Variants in BRD2 observed in about 807,000 individuals in gnomAD.
The protein encoded by BRD2 is bromodomain containing 2.
A neutral mutation model predicts 79.1 loss-of-function variants in BRD2; 15 were observed. The ratio of observed to expected loss-of-function variants is 0.19; its 90% CI spans 0.13 to 0.29. The LOEUF is 0.29. Among genes scored for constraint, BRD2 ranks in the 10% least tolerant of loss-of-function variants. The pLI is 1.00. For synonymous variants in BRD2, 488 were observed against 358.6 expected, an observed-to-expected ratio of 1.36 and a Z score of -4.08; for missense variants, 1,053 against 991.3, an observed-to-expected ratio of 1.06 and a Z score of -0.84.
chr6:32,971,473 C>T (rs1777965369), intron 1 of BRD2, 122 bp from the exon 2 acceptor site: 1 of 404,230 alleles, frequency 2.5e-6, no homozygotes, highest in Non-Finnish European at 4.4e-6. Flanking sequence ...TCTGGCAACA[C>T]TGTTTTAGAC....
intron 2 of BRD2, among the ~76,000 whole-genome samples, chr6:32,974,144 A>G (rs114830895): frequency 0.042 from 6,412 of 152,230 alleles, 244 homozygotes; most frequent in African/African-American, 0.094. Flanking sequence ...CCCCATCCCC[A>G]TAGGGCTGTA....
intron 11 of BRD2, 22 bp from the exon 12 acceptor site, chr6:32,980,320 C>G: frequency 6.2e-7 from 1 of 1,612,020 alleles, no homozygotes. Flanking sequence ...CTTAATGTAT[C>G]CTGATAAATT....
At position 32,978,280 on chromosome 6, in the gene BRD2, C is replaced by A. The variant is rs2127522151; in HGVS notation, c.1733C>A (p.Ala578Glu). The change falls in exon 10 of 13, where the codon GCA becomes GAA. Residue 578 changes from alanine to glutamate, a missense_variant. By Grantham distance (107) the Ala-to-Glu change is moderately radical. This residue lies in a region of BRD2 where 454 missense variants were observed against 430.5 expected (regional missense o/e 1.05). Coordinates refer to ENST00000374825, the MANE Select transcript of BRD2 (RefSeq NM_005104.4). ...GATGAAGATGACAAGGGGCCTAGGG[C>A]ACCCCGCCCACCTCAACCTAAGAAG... ...GADEDDKGPR[A>E]PRPPQPKKSK... is the part of the protein sequence containing the mutation. 1 of 1,613,022 alleles carries A rather than the reference C, an allele frequency of 6.2e-7. No individual in the cohort carries two copies. The highest frequency in any genetic ancestry group is 8.5e-7 in the Non-Finnish European group (1 of 1,180,008).
intron 2 of BRD2, among the ~76,000 whole-genome samples, chr6:32,973,592 A>T (rs1284127425): frequency 6.6e-6 from 1 of 152,122 alleles, no homozygotes; most frequent in Non-Finnish European, 1.5e-5. Flanking sequence ...TTTAATTCTT[A>T]GGTGGTAGGA....
At chr6:32,971,217 A>C in intron 1 of BRD2, 1 of 177,366 alleles carries the variant, frequency 5.6e-6, no homozygotes, top group Non-Finnish European at 1.2e-5. Flanking sequence ...GTTGCATTGT[A>C]TAGGGTAGAT....
chr6:32,976,545 CTTGT>C lies in BRD2; in HGVS notation c.826-14_826-11del. 6.3e-7 allele frequency: 1 copy of C among 1,591,278 alleles called. No homozygotes were observed. ...GGGCTTGGAGTGACAGGTTCCCTAT[CTTGT>C]TTCTTTCTGCAGAAAAAAGGCGTAA... On this transcript the variant is annotated splice_polypyrimidine_tract_variant and intron_variant, in intron 6 of 12. Coordinates refer to ENST00000374825, the MANE Select transcript of BRD2 (RefSeq NM_005104.4).
At position 32,978,280 on chromosome 6, in the gene BRD2, C is replaced by T. The variant is rs2127522151; in HGVS notation, c.1733C>T (p.Ala578Val). 6.2e-7 allele frequency: 1 copy of T among 1,613,022 alleles called. No homozygotes were observed. The highest frequency in any genetic ancestry group is 8.5e-7 in the Non-Finnish European group (1 of 1,180,008). ...GADEDDKGPR[A>V]PRPPQPKKSK... The stretch of plus-strand genomic sequence containing the variant: ...GATGAAGATGACAAGGGGCCTAGGG[C>T]ACCCCGCCCACCTCAACCTAAGAAG... Residue 578 changes from alanine to valine, a missense_variant, in exon 10 of 13, where the codon GCA becomes GTA. Coordinates refer to ENST00000374825, the MANE Select transcript of BRD2 (RefSeq NM_005104.4).
rs553913696 is a variant in BRD2 at position 32,972,438 on chromosome 6, C to T, written c.-461C>T. On this transcript the variant is annotated 5_prime_UTR_variant, in exon 2 of 13. Coordinates refer to ENST00000374825, the MANE Select transcript of BRD2 (RefSeq NM_005104.4). Reference sequence around the variant, plus strand: ...AGTCTGTCCACCCCCTCTACTCCGCCCTCAAGAGGATTTCAAAGATGGAGG... The same window carrying T: ...AGTCTGTCCACCCCCTCTACTCCGCTCTCAAGAGGATTTCAAAGATGGAGG... 4.1e-4 allele frequency: 122 copies of T among 295,570 alleles called. No individual in the cohort carries two copies. The highest frequency in any genetic ancestry group is 6.8e-4 in the Non-Finnish European group (104 of 153,662). 18.3% of individuals were successfully genotyped at this position (295,570 alleles called of 1,614,324 possible).
In BRD2 at chr6:32,981,007, T is replaced by C. The variant is rs530944039; in HGVS notation, c.*289T>C. The C allele has an allele frequency of 4.6e-6, 2 of 435,230 alleles. No individual in the cohort carries two copies. The highest frequency in any genetic ancestry group is 4.2e-5 in the East Asian group (1 of 23,540). The allele number at this position is 435,230 out of a possible 1,614,324, so 27.0% of individuals were successfully genotyped here. On this transcript the variant is annotated 3_prime_UTR_variant, in exon 13 of 13. Coordinates refer to ENST00000374825, the MANE Select transcript of BRD2 (RefSeq NM_005104.4). The stretch of plus-strand genomic sequence containing the variant: ...AGGGTGGGAGTGTGCAAAGCCCTGA[T>C]CTGGAGTTACCTGAGGCCACAGCTG...
chr6:32,975,047 C>T (rs986582168), intron 3 of BRD2: 8 of 1,522,738 alleles, frequency 5.3e-6, no homozygotes, highest in Non-Finnish European at 7.0e-6. Flanking sequence ...GGGAGAGGAC[C>T]ACGGTGGCCA....
intron 1 of BRD2, 43 bp from the exon 2 acceptor site, chr6:32,971,552 G>A (rs1346126965): frequency 8.8e-6 from 4 of 457,090 alleles, no homozygotes; most frequent in Admixed American, 4.2e-5. Flanking sequence ...CCATAGAGGA[G>A]CAGGCCGCGG....
At position 32,979,859 on chromosome 6, in the gene BRD2, C is replaced by A; in HGVS notation, c.1873C>A (p.Pro625Thr). Residue 625 changes from proline (P) to threonine (T), a missense_variant, in exon 11 of 13, where the codon CCT (proline) becomes ACT (threonine). Pro to Thr is a conservative substitution (Grantham distance 38). Transcript: ENST00000374825. Reference protein sequence around the residue: ...LPKKATKTAPPALPTGYDSEE... With the variant: ...LPKKATKTAPTALPTGYDSEE... ...CAAAAAGGCCACAAAGACAGCCCCA[C>A]CTGCCCTGCCTACAGGTTATGATTC... 1 of 1,612,880 alleles carries A rather than the reference C, an allele frequency of 6.2e-7. No individual in the cohort carries two copies. The highest frequency in any genetic ancestry group is 8.5e-7 in the Non-Finnish European group (1 of 1,179,870).
chr6:32,968,987 C>T lies in BRD2; in HGVS notation c.-1374C>T. On this transcript the variant is annotated 5_prime_UTR_variant, in exon 1 of 13. Transcript: ENST00000374825. ...TTCGTTTTCTGGGGGGGGGTTGACA[C>T]CCCGGATTACATACCCCGTACCAAG... 4.2e-6 allele frequency: 1 copy of T among 239,908 alleles called. No individual in the cohort carries two copies. Among genetic ancestry groups the T allele is most frequent in the Admixed American group, 5.5e-5 (1 of 18,314 alleles). The allele number at this position is 239,908 out of a possible 1,614,324, so 14.9% of individuals were successfully genotyped here. A position where few individuals can be genotyped will look rare whatever the true frequency, so the allele number is the denominator to read the frequency against.
rs1582879919 is a variant in BRD2, at chr6:32,971,678, C to G, written c.-1221C>G. ...CACACCCCTGGCGGGTTCAGGCAGG[C>G]TACGCCCACGCGACCCCTCCCGTTT... On this transcript the variant is annotated 5_prime_UTR_variant, in exon 2 of 13. Transcript: ENST00000374825. The G allele has an allele frequency of 1.9e-6, 1 of 518,472 alleles. No individual in the cohort carries two copies. The highest frequency in any genetic ancestry group is 3.4e-6 in the Non-Finnish European group (1 of 294,696). The allele number at this position is 518,472 out of a possible 1,614,324, so 32.1% of individuals were successfully genotyped here.
intron 1 of BRD2, chr6:32,969,307 C>T (rs945327205): frequency 2.8e-6 from 2 of 715,766 alleles, no homozygotes; most frequent in East Asian, 5.4e-5. Context: ...CGGTGTGGCC[C>T]CCCCTATTCC....
At chr6:32,975,875 G>C (rs1778671929) in intron 4 of BRD2, among the ~76,000 whole-genome samples, 156 bp from the exon 5 acceptor site, 1 of 135,884 alleles carries the variant, frequency 7.4e-6, no homozygotes, top group East Asian at 2.0e-4. Context: ...ATTAGTAGTG[G>C]CCTGGAGTAG....
chr6:32,975,498 A>G lies in BRD2; in HGVS notation c.448A>G (p.Thr150Ala). 4 of 1,612,432 alleles carry G rather than the reference A, an allele frequency of 2.5e-6. No individual in the cohort carries two copies. Among genetic ancestry groups the G allele is most frequent in the South Asian group, 1.1e-5 (1 of 90,888 alleles). ...ECMQDFNTMF[T>A]NCYIYNKPTD... Reference sequence around the variant, plus strand: ...TATGCAAGATTTTAATACCATGTTCACCAACTGTTACATTTACAACAAGGT... The same window carrying G: ...TATGCAAGATTTTAATACCATGTTCGCCAACTGTTACATTTACAACAAGGT... The change falls in exon 4 of 13, where the codon ACC becomes GCC. Residue 150 changes from threonine (T) to alanine (A), a missense_variant. Physicochemically the swap from Thr to Ala is moderately conservative, Grantham distance 58. Transcript: ENST00000374825.
chr6:32,980,100 C>T lies in BRD2; in HGVS notation c.2114C>T (p.Ser705Phe). ...AGAGAGCTTGAGCGCTATGTCCTTTCCTGCCTACGTAAGAAACCCCGGAAG... is the reference window on the plus strand; with the variant it reads ...AGAGAGCTTGAGCGCTATGTCCTTTTCTGCCTACGTAAGAAACCCCGGAAG... ...TLRELERYVL[S>F]CLRKKPRKPY... The change falls in exon 11 of 13, where the codon TCC (serine) becomes TTC (phenylalanine). Residue 705 changes from serine (S) to phenylalanine (F), a missense_variant. This residue lies in a region of BRD2 where 139 missense variants were observed against 133.2 expected (regional missense o/e 1.04). Transcript: ENST00000374825. 6.2e-7 allele frequency: 1 copy of T among 1,612,598 alleles called. No homozygotes were observed. Among genetic ancestry groups the T allele is most frequent in the Non-Finnish European group, 8.5e-7 (1 of 1,179,950 alleles).
Position 32,972,853 on chromosome 6 carries a change from C to T in BRD2, c.-46C>T. 2 of 1,613,780 alleles carry T rather than the reference C, an allele frequency of 1.2e-6. No homozygotes were observed. Among genetic ancestry groups the T allele is most frequent in the Non-Finnish European group, 1.7e-6 (2 of 1,179,960 alleles). On this transcript the variant is annotated 5_prime_UTR_variant, in exon 2 of 13. Transcript: ENST00000374825. Reference sequence around the variant, plus strand: ...GGGCGGTGAGGGGAACCGAGGCCACCCGGACTTTCCGCGGCTGAGGGCAGC... The same window carrying T: ...GGGCGGTGAGGGGAACCGAGGCCACTCGGACTTTCCGCGGCTGAGGGCAGC...
Sources: gnomAD v4.1 joint callset for allele counts (sites outside exome capture counted in the v4.1 genomes callset) on GRCh38, gnomAD v4.1.1 for gene constraint, gnomAD v4.1.1 regional missense constraint, MANE v1.5 for transcripts, NCBI Gene and HGNC (gene_info 2026-07-23, HGNC 2026-07-21) for gene names.